EPHA3: variants seen among roughly 807,000 people sequenced by gnomAD.
EPHA3 encodes the protein ephrin type-A receptor 3.
Under a neutral mutation model 107.1 loss-of-function variants are expected in EPHA3, and 42 were observed. The ratio of observed to expected loss-of-function variants is 0.39; its 90% CI spans 0.31 to 0.51. The LOEUF is 0.51. EPHA3 is among the 20% of genes least tolerant of loss of function. The pLI, the probability that EPHA3 is intolerant of heterozygous loss-of-function variation, is 0.78. For synonymous variants in EPHA3, 461 were observed against 424.8 expected, an observed-to-expected ratio of 1.09 and a Z score of -1.05; for missense variants, 1,183 against 1,211.2, an observed-to-expected ratio of 0.98 and a Z score of 0.35.
intron 5 of EPHA3, among the ~76,000 whole-genome samples, chr3:89,372,968 T>A (rs1708337122): frequency 6.6e-6 from 1 of 151,820 alleles, no homozygotes; most frequent in South Asian, 2.1e-4. Context: ...ACATATATCT[T>A]GATTAAGAAA....
chr3:89,343,088 C>T lies in EPHA3; in HGVS notation c.1306+998C>T, dbSNP rs1485605414. On this transcript the variant is annotated intron_variant, in intron 5 of 16. Transcript: ENST00000336596. ...TCCCTCTGGTCCCTAGTGGGAATCA[C>T]CCCTTGCTCTGAGAATATCAGAATG... Among the ~76,000 whole-genome samples, 7 of 152,268 alleles carry T rather than the reference C, an allele frequency of 4.6e-5. 1 individual carries two copies. The highest frequency in any genetic ancestry group is 1.7e-4 in the African/African-American group (7 of 41,560).
intron 13 of EPHA3, among the ~76,000 whole-genome samples, chr3:89,443,498 T>C (rs1036889403): frequency 1.3e-5 from 2 of 152,186 alleles, no homozygotes; most frequent in Non-Finnish European, 2.9e-5. Context: ...TTATATTGGC[T>C]CATTCACATT....
intron 1 of EPHA3, among the ~76,000 whole-genome samples, chr3:89,116,653 A>G (rs949526841): frequency 8.6e-5 from 13 of 151,398 alleles, no homozygotes; most frequent in Admixed American, 8.6e-4. Context: ...AAAATAGCAT[A>G]TTGATGACAT....
chr3:89,481,416 A>G lies in EPHA3; in HGVS notation c.*1914A>G, dbSNP rs1710619622. ...AATTTCACTTATACCTGCTATCAGC[A>G]GCTAGAAAACATTTTTTTTTTAAAT... On this transcript the variant is annotated 3_prime_UTR_variant, in exon 17 of 17. Coordinates refer to ENST00000336596, the MANE Select transcript of EPHA3 (RefSeq NM_005233.6). The G allele has an allele frequency of 4.3e-6, 1 of 232,214 alleles. No individual in the cohort carries two copies. The highest frequency in any genetic ancestry group is 2.2e-5 in the African/African-American group (1 of 45,320). The allele number at this position is 232,214 out of a possible 1,614,324, so 14.4% of individuals were successfully genotyped here.
intron 3 of EPHA3, among the ~76,000 whole-genome samples, chr3:89,280,641 G>C (rs1705922136): frequency 1.3e-5 from 2 of 152,046 alleles, no homozygotes; most frequent in Admixed American, 1.3e-4. Flanking sequence ...GTACTCAAAG[G>C]CATCTGCACT....
chr3:89,242,971 T>C (rs1399599445), intron 3 of EPHA3, among the ~76,000 whole-genome samples: 1 of 143,650 alleles, frequency 7.0e-6, no homozygotes, highest in Non-Finnish European at 1.5e-5. Flanking sequence ...GTTCTCATTG[T>C]TCAATTCCCA....
At chr3:89,355,295 G>A (rs1338436810) in intron 5 of EPHA3, among the ~76,000 whole-genome samples, 1 of 151,114 alleles carries the variant, frequency 6.6e-6, no homozygotes, top group Admixed American at 6.6e-5. Context: ...TTATCTTTCT[G>A]TGAAATGTAA....
intron 3 of EPHA3, among the ~76,000 whole-genome samples, chr3:89,212,272 A>T (rs960105880): frequency 6.6e-6 from 1 of 152,058 alleles, no homozygotes; most frequent in African/African-American, 2.4e-5. Flanking sequence ...CTTAAAATTT[A>T]TTTGGACCAT....
intron 2 of EPHA3, among the ~76,000 whole-genome samples, chr3:89,189,463 C>T (rs367980820): frequency 3.2e-4 from 48 of 152,164 alleles, no homozygotes; most frequent in Admixed American, 7.8e-4. Flanking sequence ...CACGGTGGCG[C>T]GCACCTGTCA....
intron 2 of EPHA3, among the ~76,000 whole-genome samples, chr3:89,162,931 C>T (rs1432598230): frequency 6.6e-6 from 1 of 152,196 alleles, no homozygotes; most frequent in East Asian, 1.9e-4. Context: ...GGGCTGCAGT[C>T]CTTCAATGAA....
rs1045279195 is a variant in EPHA3, at chr3:89,480,075, A to T, written c.*573A>T. 2.1e-5 allele frequency: 5 copies of T among 232,738 alleles called. No homozygotes were observed. The highest frequency in any genetic ancestry group is 1.1e-4 in the African/African-American group (5 of 45,322). The allele number at this position is 232,738 out of a possible 1,614,324, so 14.4% of individuals were successfully genotyped here. On this transcript the variant is annotated 3_prime_UTR_variant, in exon 17 of 17. Transcript: ENST00000336596. ...TTGTTTTAAGTACTACACATTTTTAAATTGTTAGCTTCCTTAAGTATATCA... is the reference window on the plus strand; with the variant it reads ...TTGTTTTAAGTACTACACATTTTTATATTGTTAGCTTCCTTAAGTATATCA...
At chr3:89,341,341 A>AT (rs1707517059) in intron 4 of EPHA3, among the ~76,000 whole-genome samples, 1 of 152,208 alleles carries the variant, frequency 6.6e-6, no homozygotes, top group South Asian at 2.1e-4. Flanking sequence ...CCTGCATTAC[A>AT]TATGACAGGA....
At chr3:89,359,970 A>G (rs1258137764) in intron 5 of EPHA3, among the ~76,000 whole-genome samples, 2 of 149,914 alleles carry the variant, frequency 1.3e-5, no homozygotes. Flanking sequence ...TCGAGATATC[A>G]TTTAAGCCTT....
chr3:89,473,896 C>T (rs867831121), intron 16 of EPHA3, among the ~76,000 whole-genome samples: 1 of 152,056 alleles, frequency 6.6e-6, no homozygotes, highest in Non-Finnish European at 1.5e-5. Context: ...AGCATGTTGT[C>T]GCTTGCATGG....
intron 2 of EPHA3, among the ~76,000 whole-genome samples, chr3:89,160,817 A>G (rs1000724247): frequency 1.3e-5 from 2 of 152,114 alleles, no homozygotes; most frequent in Non-Finnish European, 1.5e-5. Flanking sequence ...CAAAGTTGCT[A>G]CTGTCTCAAA....
chr3:89,411,453 A>G (rs1458942456), intron 9 of EPHA3, among the ~76,000 whole-genome samples: 2 of 151,728 alleles, frequency 1.3e-5, no homozygotes, highest in East Asian at 1.9e-4. Flanking sequence ...TGCATTCCCT[A>G]TTTGCCCTCT....
intron 3 of EPHA3, among the ~76,000 whole-genome samples, chr3:89,278,345 G>A (rs1576284705): frequency 6.6e-6 from 1 of 152,268 alleles, no homozygotes; most frequent in East Asian, 1.9e-4. Context: ...TGAAGCCAGA[G>A]AAGCTTGGCT....
chr3:89,352,255 C>T (rs1170542014), intron 5 of EPHA3, among the ~76,000 whole-genome samples: 1 of 151,262 alleles, frequency 6.6e-6, no homozygotes, highest in Non-Finnish European at 1.5e-5. Flanking sequence ...AAACGCCTTC[C>T]TTTCTTCTGG....
chr3:89,440,052 G>T (rs1157925180), intron 13 of EPHA3, among the ~76,000 whole-genome samples: 1 of 152,060 alleles, frequency 6.6e-6, no homozygotes, highest in Non-Finnish European at 1.5e-5. Flanking sequence ...CTGATCTCTT[G>T]TGGCAATCAA....
Sources: gnomAD v4.1 joint callset for allele counts (sites outside exome capture counted in the v4.1 genomes callset) on GRCh38, gnomAD v4.1.1 for gene constraint, MANE v1.5 for transcripts, NCBI Gene and HGNC (gene_info 2026-07-23, HGNC 2026-07-21) for gene names.